CDK17: variants seen among roughly 807,000 people sequenced by gnomAD.
CDK17 encodes cyclin dependent kinase 17.
Under a neutral mutation model 77.6 loss-of-function variants are expected in CDK17, and 24 were observed. That is an observed-to-expected ratio of 0.31 (90% CI 0.22 to 0.44). The LOEUF (loss-of-function observed/expected upper bound fraction) is 0.44. Ranked by LOEUF, CDK17 falls within the 20% of genes least tolerant of loss-of-function variation. The pLI, the probability that CDK17 is intolerant of heterozygous loss-of-function variation, is 1.00. For synonymous variants in CDK17, 203 were observed against 210.4 expected, an observed-to-expected ratio of 0.96 and a Z score of 0.30; for missense variants, 429 against 622.5, an observed-to-expected ratio of 0.69 and a Z score of 3.31.
rs565587917 is a variant in CDK17, at chr12:96,312,638, C to A, written c.417+683G>T. Reference sequence around the variant, plus strand: ...CATCTCAACAGCACCAAAAAAGCAACAATACTTTCATTTCAAAACATGTTC... The same window carrying A: ...CATCTCAACAGCACCAAAAAAGCAAAAATACTTTCATTTCAAAACATGTTC... On this transcript the variant is annotated intron_variant, in intron 4 of 16. Transcript: ENST00000261211. 2.5e-4 allele frequency among the ~76,000 whole-genome samples: 38 copies of A among 152,098 alleles called. No individual in the cohort carries two copies. The South Asian group carries it at 2.9e-3, about 12-fold the overall frequency.
intron 1 of CDK17, among the ~76,000 whole-genome samples, chr12:96,394,457 G>C (rs1221965306): frequency 6.6e-6 from 1 of 152,086 alleles, no homozygotes; most frequent in Non-Finnish European, 1.5e-5. Flanking sequence ...TACACAAAAT[G>C]TAGAGTATTC....
At chr12:96,330,795 T>C (rs187528863) in intron 2 of CDK17, among the ~76,000 whole-genome samples, 220 of 152,348 alleles carry the variant, frequency 1.4e-3, no homozygotes, top group African/African-American at 5.1e-3. Flanking sequence ...TTGTGAATAG[T>C]GCTGCTACAA....
chr12:96,349,704 A>G (rs1953282986), intron 1 of CDK17, among the ~76,000 whole-genome samples: 1 of 152,226 alleles, frequency 6.6e-6, no homozygotes, highest in Non-Finnish European at 1.5e-5. Flanking sequence ...TCTTAAGATA[A>G]AAAACAAGAC....
chr12:96,392,060 C>T (rs1954077308), intron 1 of CDK17, among the ~76,000 whole-genome samples: 1 of 151,686 alleles, frequency 6.6e-6, no homozygotes, highest in Admixed American at 6.6e-5. Context: ...TGAAAAAAAA[C>T]ACGGCCTCTC....
chr12:96,390,027 A>G (rs188034153), intron 1 of CDK17, among the ~76,000 whole-genome samples: 9 of 151,940 alleles, frequency 5.9e-5, no homozygotes, highest in Non-Finnish European at 1.2e-4. Context: ...ACGGGGTTTC[A>G]CCATGTGGGC....
At chr12:96,365,283 G>A (rs1224763326) in intron 1 of CDK17, among the ~76,000 whole-genome samples, 1 of 151,916 alleles carries the variant, frequency 6.6e-6, no homozygotes, top group African/African-American at 2.4e-5. Context: ...TAGCTTTATG[G>A]AGTTTACAGA....
intron 2 of CDK17, among the ~76,000 whole-genome samples, chr12:96,325,572 A>T (rs140572957): frequency 0.011 from 1,600 of 152,334 alleles, 47 homozygotes; most frequent in Admixed American, 0.064. Flanking sequence ...CTAAAAGGGT[A>T]TAAGAAGGAT....
intron 5 of CDK17, among the ~76,000 whole-genome samples, chr12:96,304,661 G>A (rs1952554108): frequency 6.6e-6 from 1 of 152,202 alleles, no homozygotes; most frequent in South Asian, 2.1e-4. Context: ...AGACTTGGTG[G>A]GCAGGGGGAA....
rs556686203 is a variant in CDK17, at chr12:96,373,906, C to T, written c.-30+26080G>A. Among the ~76,000 whole-genome samples the T allele has an allele frequency of 1.5e-3, 234 of 151,866 alleles. 1 individual carries two copies. Among genetic ancestry groups the T allele is most frequent in the African/African-American group, 4.7e-3 (196 of 41,380 alleles). On this transcript the variant is annotated intron_variant, in intron 1 of 16. Coordinates refer to ENST00000261211, the MANE Select transcript of CDK17 (RefSeq NM_002595.5). ...TTGCACTCCACCCTGGGCGACAGAGCGAAGACCACTCCACCCTGGGCGACA... is the reference window on the plus strand; with the variant it reads ...TTGCACTCCACCCTGGGCGACAGAGTGAAGACCACTCCACCCTGGGCGACA...
chr12:96,367,235 C>T (rs1029467441), intron 1 of CDK17, among the ~76,000 whole-genome samples: 1 of 149,624 alleles, frequency 6.7e-6, no homozygotes, highest in Non-Finnish European at 1.5e-5. Flanking sequence ...GTCCCAGCTA[C>T]TCGGCAGGCT....
intron 5 of CDK17, among the ~76,000 whole-genome samples, chr12:96,304,497 A>T (rs1334709635): frequency 6.6e-6 from 1 of 152,106 alleles, no homozygotes; most frequent in African/African-American, 2.4e-5. Context: ...AGATCGTGCC[A>T]CTGCACTCCA....
chr12:96,365,334 C>T (rs1953567253), intron 1 of CDK17, among the ~76,000 whole-genome samples: 1 of 152,042 alleles, frequency 6.6e-6, no homozygotes, highest in African/African-American at 2.4e-5. Context: ...TAAAACAATT[C>T]TATGAAGTAA....
At chr12:96,344,561 G>A (rs1469768591) in intron 1 of CDK17, among the ~76,000 whole-genome samples, 3 of 152,110 alleles carry the variant, frequency 2.0e-5, no homozygotes, top group African/African-American at 7.2e-5. Context: ...TAAATCCAGA[G>A]AGAAAACAAA....
In CDK17 at chr12:96,323,975, C is replaced by A; in HGVS notation, c.256G>T (p.Ala86Ser). Residue 86 changes from alanine to serine, a missense_variant, in exon 3 of 17, where the codon GCA (alanine) becomes TCA (serine). By Grantham distance (99) the Ala-to-Ser change is moderately conservative. Transcript: ENST00000261211. ...VIGGSLGSFM[A>S]MPRNGSRLDI... ...AATCTGCTTCCATTTCTGGGCATTG[C>A]CATGAAGGAGCCAAGGCTCCCTCCA... 6.2e-7 allele frequency: 1 copy of A among 1,600,776 alleles called. No individual in the cohort carries two copies. Among genetic ancestry groups the A allele is most frequent in the South Asian group, 1.1e-5 (1 of 87,438 alleles).
intron 10 of CDK17, among the ~76,000 whole-genome samples, chr12:96,292,851 A>T (rs1014791551): frequency 2.0e-5 from 3 of 152,148 alleles, no homozygotes; most frequent in African/African-American, 7.2e-5. Context: ...GCTAAAAAAA[A>T]AATAGATAAA....
chr12:96,397,037 G>A (rs1481682125), intron 1 of CDK17, among the ~76,000 whole-genome samples: 1 of 152,072 alleles, frequency 6.6e-6, no homozygotes, highest in African/African-American at 2.4e-5. Context: ...TGCCATTACA[G>A]CTTCCATTGT....
In CDK17 at chr12:96,400,003, G is replaced by C; in HGVS notation, c.-47C>G. ...CAACTCACCAGCAAGAGCGGGGACCGCGGGTCCCGAGGCGAGGCGAAGAGA... is the reference window on the plus strand; with the variant it reads ...CAACTCACCAGCAAGAGCGGGGACCCCGGGTCCCGAGGCGAGGCGAAGAGA... On this transcript the variant is annotated 5_prime_UTR_variant, in exon 1 of 17. Coordinates refer to ENST00000261211, the MANE Select transcript of CDK17 (RefSeq NM_002595.5). 1 of 382,976 alleles carries C rather than the reference G, an allele frequency of 2.6e-6. No homozygotes were observed. The highest frequency in any genetic ancestry group is 4.6e-6 in the Non-Finnish European group (1 of 216,324). The allele number at this position is 382,976 out of a possible 1,614,324, so 23.7% of individuals were successfully genotyped here.
intron 1 of CDK17, among the ~76,000 whole-genome samples, chr12:96,345,013 G>A (rs1953181717): frequency 6.6e-6 from 1 of 152,076 alleles, no homozygotes; most frequent in Admixed American, 6.5e-5. Context: ...GTTAAGTGTT[G>A]TTTCCCTCCC....
At chr12:96,304,305 G>A (rs773394808) in intron 5 of CDK17, among the ~76,000 whole-genome samples, 6 of 152,158 alleles carry the variant, frequency 3.9e-5, no homozygotes, top group African/African-American at 1.2e-4. Flanking sequence ...TTCGGAGGCC[G>A]AGAAGGGCGG....
Sources: gnomAD v4.1 joint callset for allele counts (sites outside exome capture counted in the v4.1 genomes callset) on GRCh38, gnomAD v4.1.1 for gene constraint, MANE v1.5 for transcripts, NCBI Gene and HGNC (gene_info 2026-07-23, HGNC 2026-07-21) for gene names.